PLPPR1: variants seen among roughly 807,000 people sequenced by gnomAD.
PLPPR1 encodes phospholipid phosphatase related 1, also known as phospholipid phosphatase-related protein type 1.
PLPPR1 carries 10 observed loss-of-function variants against 33.1 expected under a neutral mutation model. That is an observed-to-expected ratio of 0.30 (90% CI 0.19 to 0.51). The LOEUF (loss-of-function observed/expected upper bound fraction) is 0.51, where lower values mean the gene tolerates loss of function less well. Among genes scored for constraint, PLPPR1 ranks in the 20% least tolerant of loss-of-function variants. The pLI is 0.97. For synonymous variants in PLPPR1, 151 were observed against 151.0 expected (o/e 1.00, Z 0.00); for missense variants, 304 against 408.1 (o/e 0.74, Z 2.20).
intron 1 of PLPPR1, among the ~76,000 whole-genome samples, chr9:101,057,826 A>G (rs1206839630): frequency 2.0e-5 from 3 of 152,174 alleles, no homozygotes; most frequent in South Asian, 2.1e-4. Context: ...TTGAGCCCAC[A>G]TTGCATCTAC....
chr9:101,317,859 TACAC>T (rs970353603), intron 7 of PLPPR1, among the ~76,000 whole-genome samples: 22 of 152,360 alleles, frequency 1.4e-4, no homozygotes, highest in Middle Eastern at 3.4e-3. Flanking sequence ...AAGGTTGTGT[TACAC>T]ACAGTGATGT....
At chr9:101,115,794 C>T (rs1831111222) in intron 1 of PLPPR1, among the ~76,000 whole-genome samples, 1 of 152,180 alleles carries the variant, frequency 6.6e-6, no homozygotes, top group Non-Finnish European at 1.5e-5. Flanking sequence ...CACTTAGCTG[C>T]ATCCCATTTT....
At chr9:101,280,387 C>G (rs538984414) in intron 3 of PLPPR1, among the ~76,000 whole-genome samples, 2 of 152,156 alleles carry the variant, frequency 1.3e-5, no homozygotes, top group Admixed American at 6.5e-5. Context: ...CAATTTTACT[C>G]AAACTATTCT....
chr9:101,251,779 G>A (rs1827716408), intron 2 of PLPPR1, among the ~76,000 whole-genome samples: 1 of 152,080 alleles, frequency 6.6e-6, no homozygotes, highest in Non-Finnish European at 1.5e-5. Flanking sequence ...TCATGTAGCT[G>A]TAAATATGTC....
At position 101,058,269 on chromosome 9, in the gene PLPPR1, A is replaced by G. The variant is rs575980816; in HGVS notation, c.-46+29167A>G. ...TGGAATGGGAGAAGTAGACCCTGAC[A>G]AGTACCATGTGATGATGAGAACTAA... On this transcript the variant is annotated intron_variant, in intron 1 of 7. Coordinates refer to ENST00000374874, the MANE Select transcript of PLPPR1 (RefSeq NM_207299.2). 3.3e-5 allele frequency among the ~76,000 whole-genome samples: 5 copies of G among 151,934 alleles called. No homozygotes were observed. In the South Asian group the frequency reaches 1.0e-3, roughly 32 times the overall value.
At chr9:101,208,958 G>A (rs2118763195) in intron 2 of PLPPR1, among the ~76,000 whole-genome samples, 1 of 152,212 alleles carries the variant, frequency 6.6e-6, no homozygotes, top group South Asian at 2.1e-4. Flanking sequence ...GAGCACATGT[G>A]GAGTGTATTG....
rs1829209418 is a variant in PLPPR1 at position 101,324,231 on chromosome 9, T to G, written c.*174T>G. ...GTGATGTAGCTTGCCCTGATTTTTT[T>G]TTTTTTTTTTTGGTCAGCTTTAATA... On this transcript the variant is annotated 3_prime_UTR_variant, in exon 8 of 8. Transcript: ENST00000374874. The G allele has an allele frequency of 4.1e-6, 2 of 482,550 alleles. No homozygotes were observed. The highest frequency in any genetic ancestry group is 7.1e-6 in the Non-Finnish European group (2 of 281,222). 29.9% of individuals were successfully genotyped at this position (482,550 alleles called of 1,614,324 possible).
chr9:101,224,788 G>C (rs1394217175), intron 2 of PLPPR1, among the ~76,000 whole-genome samples: 2 of 152,170 alleles, frequency 1.3e-5, no homozygotes, highest in African/African-American at 2.4e-5. Flanking sequence ...ATTAGGTGAA[G>C]TGGTGTGCTT....
chr9:101,163,088 T>C (rs1825790888), intron 1 of PLPPR1, among the ~76,000 whole-genome samples: 1 of 152,216 alleles, frequency 6.6e-6, no homozygotes, highest in African/African-American at 2.4e-5. Context: ...TTAGGTGTCC[T>C]GGGAATTAAC....
At chr9:101,043,609 G>T (rs537694688) in intron 1 of PLPPR1, among the ~76,000 whole-genome samples, 2 of 152,098 alleles carry the variant, frequency 1.3e-5, no homozygotes, top group Admixed American at 1.3e-4. Context: ...AAACATGTTT[G>T]TGCAAGTATC....
intron 1 of PLPPR1, among the ~76,000 whole-genome samples, chr9:101,153,015 T>C (rs1831614315): frequency 6.6e-6 from 1 of 152,244 alleles, no homozygotes; most frequent in Non-Finnish European, 1.5e-5. Flanking sequence ...ACGATATTGA[T>C]TCTTCCTACC....
At chr9:101,153,646 C>T (rs1831629066) in intron 1 of PLPPR1, among the ~76,000 whole-genome samples, 1 of 152,176 alleles carries the variant, frequency 6.6e-6, no homozygotes, top group Non-Finnish European at 1.5e-5. Flanking sequence ...ACAATGTTGG[C>T]TCACTGCAAG....
At chr9:101,155,385 G>C (rs1317804238) in intron 1 of PLPPR1, among the ~76,000 whole-genome samples, 2 of 152,276 alleles carry the variant, frequency 1.3e-5, no homozygotes, top group East Asian at 3.9e-4. Flanking sequence ...CATCTGGTGA[G>C]AGCCTTCTTG....
chr9:101,167,461 T>G (rs947760478), intron 1 of PLPPR1, among the ~76,000 whole-genome samples: 1 of 151,620 alleles, frequency 6.6e-6, no homozygotes, highest in Admixed American at 6.6e-5. Flanking sequence ...TTTTCAGAAT[T>G]CTAGTCTCTC....
At chr9:101,135,553 C>T (rs1209735658) in intron 1 of PLPPR1, among the ~76,000 whole-genome samples, 1 of 152,144 alleles carries the variant, frequency 6.6e-6, no homozygotes, top group African/African-American at 2.4e-5. Context: ...ACACATTATC[C>T]TCTTCCACTT....
intron 1 of PLPPR1, among the ~76,000 whole-genome samples, chr9:101,078,152 GA>G (rs1830566139): frequency 3.7e-5 from 1 of 26,892 alleles, no homozygotes; most frequent in Non-Finnish European, 7.1e-5. Flanking sequence ...AGAAGAAGAA[GA>G]AGAAGAAGAA....
chr9:101,088,795 A>G (rs1165276565), intron 1 of PLPPR1, among the ~76,000 whole-genome samples: 1 of 152,182 alleles, frequency 6.6e-6, no homozygotes, highest in Non-Finnish European at 1.5e-5. Flanking sequence ...CATTTATCTT[A>G]TAGTAATCAC....
At chr9:101,150,433 C>A (rs1301039470) in intron 1 of PLPPR1, among the ~76,000 whole-genome samples, 1 of 152,126 alleles carries the variant, frequency 6.6e-6, no homozygotes, top group African/African-American at 2.4e-5. Context: ...GGGCTGCTAG[C>A]TTCTGAAGAA....
chr9:101,208,693 T>A (rs774106785), intron 2 of PLPPR1, among the ~76,000 whole-genome samples: 1 of 152,208 alleles, frequency 6.6e-6, no homozygotes, highest in Non-Finnish European at 1.5e-5. Flanking sequence ...GTTTTCTTTT[T>A]CACAGCAGTC....
Sources: gnomAD v4.1 joint callset for allele counts (sites outside exome capture counted in the v4.1 genomes callset) on GRCh38, gnomAD v4.1.1 for gene constraint, MANE v1.5 for transcripts, NCBI Gene and HGNC (gene_info 2026-07-23, HGNC 2026-07-21) for gene names.